Variants in BOC observed in about 807,000 individuals in gnomAD.
BOC encodes the protein brother of CDO.
In BOC, 76 loss-of-function variants were observed where a neutral mutation model predicts 112.0. The ratio of observed to expected loss-of-function variants is 0.68; its 90% CI spans 0.56 to 0.82. The LOEUF (loss-of-function observed/expected upper bound fraction) is 0.82. Among genes scored for constraint, BOC ranks in the 40% least tolerant of loss-of-function variants. The pLI is 0.00. For missense variants in BOC, 1,309 were observed against 1,511.7 expected (o/e 0.87, Z 2.22); for synonymous variants, 580 against 599.8 (o/e 0.97, Z 0.48).
chr3:113,285,360 T>C lies in BOC; in HGVS notation c.2967-12T>C. The C allele has an allele frequency of 6.2e-7, 1 of 1,612,092 alleles. No individual in the cohort carries two copies. Among genetic ancestry groups the C allele is most frequent in the Non-Finnish European group, 8.5e-7 (1 of 1,179,634 alleles). ...CCAGCCCCACCTCCCCATCTGGGCT[T>C]GTGCACTGCAGGGGTCCCAAGTCTA... On this transcript the variant is annotated splice_polypyrimidine_tract_variant and intron_variant, in intron 18 of 19. Transcript: ENST00000682979.
At position 113,260,721 on chromosome 3, in the gene BOC, A is replaced by ACAGAACAGAACAGAACAGAAC. The variant is rs1553737946; in HGVS notation, c.377-7578_377-7577insCAGAACAGAACAGAACAGAAC. ...ACAGAACAGAACAGAACAGAACAGA[A>ACAGAACAGAACAGAACAGAAC]AGAACAGAACAGAACAGAACAGAAC... On this transcript the variant is annotated intron_variant, in intron 4 of 19. Transcript: ENST00000682979. Among the ~76,000 whole-genome samples, 791 of 92,152 alleles carry ACAGAACAGAACAGAACAGAAC rather than the reference A, an allele frequency of 8.6e-3. 11 individuals carry two copies. Among genetic ancestry groups the ACAGAACAGAACAGAACAGAAC allele is most frequent in the South Asian group, 0.016 (42 of 2,646 alleles). The allele number at this position is 92,152 out of a possible 152,430, so 60.5% of individuals were successfully genotyped here. A position where few individuals can be genotyped will look rare whatever the true frequency, so the allele number is the denominator to read the frequency against.
At chr3:113,239,750 C>T (rs902861862) in intron 2 of BOC, among the ~76,000 whole-genome samples, 1 of 152,226 alleles carries the variant, frequency 6.6e-6, no homozygotes, top group African/African-American at 2.4e-5. Flanking sequence ...TTGGCTTCTC[C>T]GTGGTGCCCT....
rs75216600 is a variant in BOC, at chr3:113,278,782, C to T, written c.1815C>T (p.Ser605=). 259 of 1,554,182 alleles carry T rather than the reference C, an allele frequency of 1.7e-4. 1 individual carries two copies. In the African/African-American group the frequency reaches 2.4e-3, roughly 15 times the overall value. Residue 605 remains serine, a splice_region_variant and synonymous_variant, in exon 11 of 20, where the codon TCC becomes TCT. Transcript: ENST00000682979. This position sits in a 1 kb window ranked among gnomAD's most constrained non-coding sequence, Gnocchi z 4.2. ...SSSQPDHGRL[S]PPEAPDRPTI... The stretch of plus-strand genomic sequence containing the variant: ...GCCAGCCAGACCACGGCCGCCTCTC[C>T]CGTAAGCCGCTAGCAGCAGGGACGG...
chr3:113,276,801 T>C, intron 9 of BOC, among the ~76,000 whole-genome samples: 1 of 152,316 alleles, frequency 6.6e-6, no homozygotes, highest in East Asian at 1.9e-4. Flanking sequence ...AGCCTGACAA[T>C]GAGCCCAGAC....
At chr3:113,243,593 T>C (rs1168192999) in intron 2 of BOC, among the ~76,000 whole-genome samples, 1 of 152,150 alleles carries the variant, frequency 6.6e-6, no homozygotes, top group Middle Eastern at 3.2e-3. Flanking sequence ...ACTCAGGCGG[T>C]CGTAGGATTA....
At position 113,272,683 on chromosome 3, in the gene BOC, T is replaced by C. The variant is rs754514976; in HGVS notation, c.941T>C (p.Leu314Pro). 1.2e-5 allele frequency: 19 copies of C among 1,613,632 alleles called. No homozygotes were observed. Among genetic ancestry groups the C allele is most frequent in the Non-Finnish European group, 1.4e-5 (16 of 1,179,950 alleles). Reference sequence around the variant, plus strand: ...GGGCAGCCCGGGGCAGCGGTCATCCTCTACAATGTCCAGGTGTTTGGTGAG... The same window carrying C: ...GGGCAGCCCGGGGCAGCGGTCATCCCCTACAATGTCCAGGTGTTTGGTGAG... ...GVGQPGAAVI[L>P]YNVQVFEPPE... Residue 314 changes from leucine (L) to proline (P), a missense_variant, in exon 7 of 20, where the codon CTC becomes CCC. Physicochemically the swap from Leu to Pro is moderately conservative, Grantham distance 98 (BLOSUM62 -3). Transcript: ENST00000682979.
At chr3:113,283,274 A>C in intron 15 of BOC, 137 bp from the exon 16 acceptor site, 1 of 838,362 alleles carries the variant, frequency 1.2e-6, no homozygotes, top group Non-Finnish European at 1.9e-6. Context: ...CCATTCAAAT[A>C]AGAGATTTTG....
intron 2 of BOC, among the ~76,000 whole-genome samples, chr3:113,222,070 T>G (rs1394288212): frequency 1.3e-5 from 2 of 152,222 alleles, no homozygotes; most frequent in African/African-American, 4.8e-5. Flanking sequence ...CTGACCGCAC[T>G]TTATTAAACA....
rs1948435969 is a variant in BOC, at chr3:113,274,224, C to T, written c.1235-151C>T. The stretch of plus-strand genomic sequence containing the variant: ...GACACCAGCGCTGTCTTCCACGGAG[C>T]CTGGCTGGGCAGCACAGAGTGGGTG... On this transcript the variant is annotated intron_variant, in intron 8 of 19. Transcript: ENST00000682979. This position sits in a 1 kb window ranked among gnomAD's most constrained non-coding sequence, Gnocchi z 4.8. 1 of 658,684 alleles carries T rather than the reference C, an allele frequency of 1.5e-6. No individual in the cohort carries two copies. Among genetic ancestry groups the T allele is most frequent in the Non-Finnish European group, 2.3e-6 (1 of 435,048 alleles). 40.8% of individuals were successfully genotyped at this position (658,684 alleles called of 1,614,324 possible).
intron 2 of BOC, among the ~76,000 whole-genome samples, chr3:113,219,426 G>A (rs1940141305): frequency 6.6e-6 from 1 of 152,218 alleles, no homozygotes; most frequent in Non-Finnish European, 1.5e-5. Context: ...CAGCAGTCCT[G>A]GGAAAATGGG....
chr3:113,245,462 TC>T (rs1477401283), intron 2 of BOC, among the ~76,000 whole-genome samples: 3 of 152,164 alleles, frequency 2.0e-5, no homozygotes, highest in Non-Finnish European at 4.4e-5. Flanking sequence ...TTCACTTATT[TC>T]CCCAATATTT....
intron 4 of BOC, among the ~76,000 whole-genome samples, chr3:113,266,853 A>G (rs1947536463): frequency 6.6e-6 from 1 of 152,202 alleles, no homozygotes; most frequent in South Asian, 2.1e-4. Flanking sequence ...ATTGACTAAG[A>G]GTTGCTGGGA....
At chr3:113,255,191 C>T (rs1021769874) in intron 4 of BOC, among the ~76,000 whole-genome samples, 5 of 152,196 alleles carry the variant, frequency 3.3e-5, no homozygotes, top group African/African-American at 1.2e-4. Context: ...ATGCTTTTAA[C>T]TTTGAACTCC....
chr3:113,280,495 G>T, intron 13 of BOC, 63 bp from the exon 14 acceptor site: 1 of 1,168,942 alleles, frequency 8.6e-7, no homozygotes, highest in African/African-American at 1.5e-5. Flanking sequence ...ATACACCAGT[G>T]GTTTTGCTTT....
At chr3:113,286,480 G>A (rs538664190) in intron 19 of BOC, among the ~76,000 whole-genome samples, 195 bp from the exon 20 acceptor site, 6 of 152,066 alleles carry the variant, frequency 3.9e-5, no homozygotes, top group Non-Finnish European at 7.4e-5. Context: ...GGAAATGGGT[G>A]GCAAGTGGCC....
At chr3:113,238,969 T>A (rs936783933) in intron 2 of BOC, among the ~76,000 whole-genome samples, 1 of 152,206 alleles carries the variant, frequency 6.6e-6, no homozygotes, top group African/African-American at 2.4e-5. Context: ...GCCTGAGAGC[T>A]AGTTTGAGGG....
chr3:113,273,079 G>A lies in BOC; in HGVS notation c.972G>A (p.Glu324=), dbSNP rs752078827. The change falls in exon 8 of 20, where the codon GAG becomes GAA. Residue 324 remains glutamate, a synonymous_variant. Coordinates refer to ENST00000682979, the MANE Select transcript of BOC (RefSeq NM_001378074.1). ...LYNVQVFEPP[E]VTMELSQLVI... is the part of the protein sequence containing the mutation. ...CTGGTTTCCTGGCAGAACCCCCTGA[G>A]GTCACCATGGAGCTATCCCAGCTGG... is the stretch of plus-strand genomic sequence containing the variant. 1 of 1,600,064 alleles carries A rather than the reference G, an allele frequency of 6.2e-7. No homozygotes were observed. Among genetic ancestry groups the A allele is most frequent in the Admixed American group, 1.7e-5 (1 of 59,746 alleles).
At chr3:113,261,327 T>G (rs757049364) in intron 4 of BOC, among the ~76,000 whole-genome samples, 5 of 152,252 alleles carry the variant, frequency 3.3e-5, no homozygotes, top group Non-Finnish European at 7.3e-5. Flanking sequence ...ATAGTTTGTA[T>G]TTGGTTGATC....
chr3:113,269,448 G>A (rs1223651028), intron 5 of BOC: 1 of 151,984 alleles, frequency 6.6e-6, no homozygotes, highest in Admixed American at 6.6e-5. Flanking sequence ...TTAACTGCTT[G>A]AGTCCAGGAG....
Sources: allele counts gnomAD v4.1 joint callset (sites outside exome capture counted in the v4.1 genomes callset), GRCh38; gene constraint gnomAD v4.1.1; non-coding constraint Gnocchi (gnomAD v3.1); transcripts MANE v1.5; gene names NCBI Gene and HGNC (gene_info 2026-07-23, HGNC 2026-07-21).